The following CTNNA3 variants were observed in gnomAD, a reference collection of about 807,000 sequenced individuals.
The protein encoded by CTNNA3 is catenin alpha-3.
In CTNNA3, 76 loss-of-function variants were observed where a neutral mutation model predicts 95.7. The ratio of observed to expected loss-of-function variants is 0.79; its 90% confidence interval spans 0.66 to 0.96. CTNNA3 has a LOEUF of 0.96. Ranked by LOEUF, CTNNA3 falls within the 40% of genes least tolerant of loss-of-function variation. The pLI, the probability that CTNNA3 is intolerant of heterozygous loss-of-function variation, is 0.00. For missense variants in CTNNA3, 1,191 were observed against 1,089.8 expected (o/e 1.09, Z -1.31); for synonymous variants, 431 against 374.4 (o/e 1.15, Z -1.74).
At chr10:66,421,915 T>TAC (rs1240552275) in intron 11 of CTNNA3, among the ~76,000 whole-genome samples, 63 of 128,734 alleles carry the variant, frequency 4.9e-4, no homozygotes, top group Non-Finnish European at 7.8e-4. Context: ...TATATATATA[T>TAC]ACACACACAC....
chr10:66,213,125 C>G (rs1189967989), intron 13 of CTNNA3, among the ~76,000 whole-genome samples: 1 of 152,104 alleles, frequency 6.6e-6, no homozygotes, highest in Non-Finnish European at 1.5e-5. Context: ...ATTCTCTCTC[C>G]AAAGTTTTAC....
At chr10:67,390,538 C>T (rs1410350672) in intron 5 of CTNNA3, among the ~76,000 whole-genome samples, 5 of 151,662 alleles carry the variant, frequency 3.3e-5, no homozygotes, top group Admixed American at 1.3e-4. Context: ...AGAGGGAATC[C>T]TCCCTAACTC....
At chr10:66,445,263 C>T (rs7092414) in intron 11 of CTNNA3, among the ~76,000 whole-genome samples, 57,586 of 151,204 alleles carry the variant, frequency 0.38, 11,521 homozygotes, top group African/African-American at 0.5. Context: ...GACAGATTAA[C>T]GAGACAGAAA....
intron 17 of CTNNA3, among the ~76,000 whole-genome samples, chr10:65,949,268 A>G (rs1333138896): frequency 6.6e-6 from 1 of 152,202 alleles, no homozygotes; most frequent in East Asian, 1.9e-4. Context: ...TTTTCGCTCC[A>G]TCAGTTACTA....
chr10:66,969,052 A>AAT (rs1035954702), intron 7 of CTNNA3, among the ~76,000 whole-genome samples: 47 of 151,980 alleles, frequency 3.1e-4, no homozygotes, highest in Non-Finnish European at 8.8e-5. Context: ...ATTATATGTA[A>AAT]ATATATATAT....
chr10:67,460,925 A>C (rs1847351389), intron 5 of CTNNA3, among the ~76,000 whole-genome samples: 1 of 152,200 alleles, frequency 6.6e-6, no homozygotes, highest in Admixed American at 6.5e-5. Flanking sequence ...TGTCATGTGA[A>C]TATCCATTCC....
intron 17 of CTNNA3, among the ~76,000 whole-genome samples, chr10:65,944,722 C>T (rs916433529): frequency 6.6e-6 from 1 of 152,122 alleles, no homozygotes; most frequent in South Asian, 2.1e-4. Flanking sequence ...TCAGCAAGAG[C>T]TCAAATGAGA....
Position 66,975,068 on chromosome 10 carries a change from C to T in CTNNA3, c.1048-199544G>A, listed in dbSNP as rs79870076. On this transcript the variant is annotated intron_variant, in intron 7 of 17. Transcript: ENST00000433211. Reference sequence around the variant, plus strand: ...TGGTATTTTAGACTCCATTAAGACTCGCCATTTTGTAGCTGACCAAAAGGG... The same window carrying T: ...TGGTATTTTAGACTCCATTAAGACTTGCCATTTTGTAGCTGACCAAAAGGG... Among the ~76,000 whole-genome samples the T allele has an allele frequency of 2.6e-4, 39 of 152,136 alleles. 1 individual carries two copies. In the East Asian group the frequency reaches 6.4e-3, roughly 25 times the overall value.
At chr10:65,997,022 T>TG in intron 15 of CTNNA3, among the ~76,000 whole-genome samples, 1 of 134,928 alleles carries the variant, frequency 7.4e-6, no homozygotes, top group South Asian at 2.1e-4. Context: ...CCATTAATTG[T>TG]GTTTTTTTTA....
chr10:66,010,682 G>A (rs556841728), intron 15 of CTNNA3, among the ~76,000 whole-genome samples: 1 of 152,270 alleles, frequency 6.6e-6, no homozygotes, highest in African/African-American at 2.4e-5. Context: ...TGAGATGTAT[G>A]ATTTAATTTT....
intron 3 of CTNNA3, among the ~76,000 whole-genome samples, chr10:67,561,854 T>A (rs1431678744): frequency 6.6e-6 from 1 of 152,130 alleles, no homozygotes; most frequent in Non-Finnish European, 1.5e-5. Context: ...GAGAATACTA[T>A]AAACACTTCT....
chr10:66,693,034 C>G (rs1420555015), intron 9 of CTNNA3, among the ~76,000 whole-genome samples: 1 of 152,100 alleles, frequency 6.6e-6, no homozygotes, highest in African/African-American at 2.4e-5. Flanking sequence ...ACCATCGAGG[C>G]TAGGAAGAAA....
At chr10:67,322,656 C>T (rs1440614759) in intron 5 of CTNNA3, among the ~76,000 whole-genome samples, 1 of 152,164 alleles carries the variant, frequency 6.6e-6, no homozygotes, top group Non-Finnish European at 1.5e-5. Flanking sequence ...CATGTCTTTG[C>T]TATTGTGATT....
chr10:66,916,057 A>G (rs756608740), intron 7 of CTNNA3, among the ~76,000 whole-genome samples: 1 of 152,128 alleles, frequency 6.6e-6, no homozygotes, highest in African/African-American at 2.4e-5. Context: ...TCCTTGACAT[A>G]TATTTTTAAA....
At chr10:66,437,721 CTCTG>C (rs1472824959) in intron 11 of CTNNA3, among the ~76,000 whole-genome samples, 1 of 152,140 alleles carries the variant, frequency 6.6e-6, no homozygotes, top group Non-Finnish European at 1.5e-5. Context: ...CAAACTCATT[CTCTG>C]TCTAATTTTG....
chr10:66,487,346 T>C (rs559637391), intron 11 of CTNNA3, among the ~76,000 whole-genome samples: 1 of 151,558 alleles, frequency 6.6e-6, no homozygotes. Flanking sequence ...GGACTACAGG[T>C]GCCCGCCAAC....
chr10:66,380,790 A>G (rs1204837690), intron 11 of CTNNA3, among the ~76,000 whole-genome samples: 2 of 152,008 alleles, frequency 1.3e-5, no homozygotes, highest in African/African-American at 4.8e-5. Context: ...GTTTTAAAGA[A>G]ATAGTCATTA....
chr10:66,299,576 C>T (rs1036666517), intron 12 of CTNNA3, among the ~76,000 whole-genome samples: 1 of 152,130 alleles, frequency 6.6e-6, no homozygotes, highest in African/African-American at 2.4e-5. Context: ...AACTATTTAG[C>T]CTTCACTGCA....
intron 9 of CTNNA3, among the ~76,000 whole-genome samples, chr10:66,746,691 T>C (rs1199450874): frequency 1.3e-5 from 2 of 152,012 alleles, no homozygotes; most frequent in African/African-American, 4.8e-5. Context: ...TATGTCTCTC[T>C]ACACAAAAAT....
Sources: allele counts gnomAD v4.1 joint callset (sites outside exome capture counted in the v4.1 genomes callset), GRCh38; gene constraint gnomAD v4.1.1; transcripts MANE v1.5; gene names NCBI Gene and HGNC (gene_info 2026-07-23, HGNC 2026-07-21).